Variants in CCDC30 observed in about 807,000 individuals in gnomAD.
CCDC30 encodes the protein coiled-coil domain containing 30.
CCDC30 carries 70 observed loss-of-function variants against 100.2 expected under a neutral mutation model. The observed-to-expected ratio is 0.70, with a 90% CI of 0.58 to 0.85. The LOEUF (loss-of-function observed/expected upper bound fraction) is 0.85. CCDC30 is among the 40% of genes least tolerant of loss of function. CCDC30 has a pLI of 0.00. For synonymous variants in CCDC30, 233 were observed against 269.5 expected, an observed-to-expected ratio of 0.86 and a Z score of 1.33; for missense variants, 652 against 771.2, an observed-to-expected ratio of 0.85 and a Z score of 1.83.
chr1:42,596,599 A>G lies in CCDC30; in HGVS notation c.1164+7116A>G, dbSNP rs921601720. 4.6e-5 allele frequency among the ~76,000 whole-genome samples: 7 copies of G among 152,052 alleles called. No individual in the cohort carries two copies. The highest frequency in any genetic ancestry group is 1.7e-4 in the African/African-American group (7 of 41,412). ...GCTTACTAAAAGACTGTACCTAATCATAGAGCTATAGAATGCCACCCATCC... is the reference window on the plus strand; with the variant it reads ...GCTTACTAAAAGACTGTACCTAATCGTAGAGCTATAGAATGCCACCCATCC... On this transcript the variant is annotated intron_variant, in intron 10 of 16. Coordinates refer to ENST00000668663, the Ensembl canonical transcript of CCDC30. This position sits in a 1 kb window ranked among gnomAD's most constrained non-coding sequence, Gnocchi z 4.3.
chr1:42,613,235 CACGTGCTTTAT>C (rs1646658510), intron 11 of CCDC30, among the ~76,000 whole-genome samples: 1 of 132,362 alleles, frequency 7.6e-6, no homozygotes, highest in South Asian at 2.7e-4. Flanking sequence ...GTGGATTATT[CACGTGCTTTAT>C]TTTATTTTAT....
intron 9 of CCDC30, among the ~76,000 whole-genome samples, chr1:42,583,469 TTAAA>T (rs1050542629): frequency 6.6e-6 from 1 of 152,208 alleles, no homozygotes; most frequent in Non-Finnish European, 1.5e-5. Flanking sequence ...TAACCCTGAT[TTAAA>T]TAGTTAGATT....
intron 1 of CCDC30, chr1:42,467,855 A>G (rs1643639407): frequency 6.6e-6 from 1 of 152,244 alleles, no homozygotes; most frequent in African/African-American, 2.4e-5. Context: ...ATTTGAACTA[A>G]GAGATACAAA....
At chr1:42,527,934 C>G (rs569402852) in intron 6 of CCDC30, among the ~76,000 whole-genome samples, 6 of 151,726 alleles carry the variant, frequency 4.0e-5, no homozygotes, top group African/African-American at 1.5e-4. Flanking sequence ...GGCGCGATAC[C>G]GACTCACTGG....
intron 3 of CCDC30, among the ~76,000 whole-genome samples, chr1:42,488,573 G>A (rs1243786306): frequency 6.6e-6 from 1 of 152,060 alleles, no homozygotes; most frequent in Non-Finnish European, 1.5e-5. Flanking sequence ...AGCCTCCCAA[G>A]TGTTGTATAG....
chr1:42,504,963 T>G (rs1354587262), intron 6 of CCDC30, among the ~76,000 whole-genome samples: 1 of 152,242 alleles, frequency 6.6e-6, no homozygotes, highest in African/African-American at 2.4e-5. Context: ...CATGTTTACC[T>G]CTTGTCAGTA....
At chr1:42,510,930 A>G (rs1042178962) in intron 6 of CCDC30, among the ~76,000 whole-genome samples, 2 of 151,992 alleles carry the variant, frequency 1.3e-5, no homozygotes, top group Non-Finnish European at 1.5e-5. Flanking sequence ...CTCTTGTGTA[A>G]AAGAAAATGA....
intron 1 of CCDC30, 192 bp downstream of exon 1, chr1:42,464,090 A>G (rs1296815210): frequency 6.6e-6 from 1 of 152,158 alleles, no homozygotes; most frequent in African/African-American, 2.4e-5. Context: ...TCCTGCTACA[A>G]TGCTTTGCGT....
intron 11 of CCDC30, among the ~76,000 whole-genome samples, chr1:42,627,408 T>C (rs1040604947): frequency 6.6e-6 from 1 of 152,022 alleles, no homozygotes; most frequent in Non-Finnish European, 1.5e-5. Context: ...GATGATGCAA[T>C]AGAAAAGAAA....
At chr1:42,471,257 C>T (rs1253687429) in intron 1 of CCDC30, among the ~76,000 whole-genome samples, 1 of 152,148 alleles carries the variant, frequency 6.6e-6, no homozygotes, top group Non-Finnish European at 1.5e-5. Flanking sequence ...ATCCTGATCC[C>T]CTTTTCCTTT....
chr1:42,642,112 G>C (rs1030452322), intron 12 of CCDC30, among the ~76,000 whole-genome samples: 14 of 152,008 alleles, frequency 9.2e-5, no homozygotes, highest in Non-Finnish European at 1.8e-4. Context: ...TGTAGTCCCA[G>C]CTACTTGGGA....
intron 7 of CCDC30, chr1:42,569,201 G>A (rs1645677791): frequency 6.6e-6 from 1 of 152,094 alleles, no homozygotes; most frequent in Non-Finnish European, 1.5e-5. Flanking sequence ...GGAACCTACA[G>A]AATGGGAGAA....
intron 1 of CCDC30, among the ~76,000 whole-genome samples, chr1:42,470,018 A>C (rs1481010670): frequency 1.3e-5 from 2 of 152,276 alleles, no homozygotes; most frequent in African/African-American, 2.4e-5. Flanking sequence ...GCACTCAGCA[A>C]CCTAAAATAG....
intron 7 of CCDC30, among the ~76,000 whole-genome samples, chr1:42,572,494 G>A (rs1474271361): frequency 1.3e-5 from 2 of 152,020 alleles, no homozygotes; most frequent in Non-Finnish European, 2.9e-5. Flanking sequence ...ATGAATCAAA[G>A]TTTTTAATTT....
chr1:42,574,604 G>A (rs545969993), intron 7 of CCDC30, among the ~76,000 whole-genome samples: 12 of 152,142 alleles, frequency 7.9e-5, no homozygotes, highest in African/African-American at 2.9e-4. Context: ...CCACTCTAAT[G>A]TATTCTTTTT....
intron 11 of CCDC30, among the ~76,000 whole-genome samples, chr1:42,632,268 C>T (rs1647052061): frequency 2.0e-5 from 3 of 152,046 alleles, no homozygotes; most frequent in African/African-American, 2.4e-5. Context: ...GGAGCTAGGG[C>T]CTGGAAAGGG....
chr1:42,577,145 A>G (rs1645856502), exon 8 of CCDC30: 2 of 1,613,966 alleles, frequency 1.2e-6, no homozygotes, highest in Non-Finnish European at 1.7e-6. Flanking sequence ...AAGTACTTAA[A>G]CACACTCAGA....
At chr1:42,555,272 C>CT (rs1645345249) in intron 6 of CCDC30, among the ~76,000 whole-genome samples, 1 of 152,146 alleles carries the variant, frequency 6.6e-6, no homozygotes, top group South Asian at 2.1e-4. Flanking sequence ...CACACCTTTG[C>CT]TTGTTCATGT....
chr1:42,500,702 C>T (rs1242132682), intron 6 of CCDC30, among the ~76,000 whole-genome samples: 2 of 152,112 alleles, frequency 1.3e-5, no homozygotes, highest in Admixed American at 6.5e-5. Flanking sequence ...TGAAAGCCAC[C>T]GTGCCCAGCC....
Sources: gnomAD v4.1 joint callset for allele counts (sites outside exome capture counted in the v4.1 genomes callset) on GRCh38, gnomAD v4.1.1 for gene constraint, Gnocchi (gnomAD v3.1) non-coding constraint, MANE v1.5 for transcripts, NCBI Gene and HGNC (gene_info 2026-07-23, HGNC 2026-07-21) for gene names.